ZFAT: variants seen among roughly 807,000 people sequenced by gnomAD.
ZFAT encodes zinc finger protein ZFAT.
Under a neutral mutation model 117.7 loss-of-function variants are expected in ZFAT, and 64 were observed. That is an observed-to-expected ratio of 0.54 (90% confidence interval 0.44 to 0.67). The LOEUF is 0.67. Among genes scored for constraint, ZFAT ranks in the 30% least tolerant of loss-of-function variants. ZFAT has a pLI of 0.00. For missense variants in ZFAT, 1,433 were observed against 1,584.5 expected (o/e 0.90, Z 1.62); for synonymous variants, 679 against 615.0 (o/e 1.10, Z -1.54).
At chr8:134,651,799 C>T (rs894360093) in intron 2 of ZFAT, among the ~76,000 whole-genome samples, 22 of 152,082 alleles carry the variant, frequency 1.4e-4, no homozygotes, top group Non-Finnish European at 4.4e-5. Flanking sequence ...GACCAACTAA[C>T]ATCGATGTAA....
chr8:134,582,117 G>A (rs780483477), intron 10 of ZFAT, among the ~76,000 whole-genome samples: 2 of 152,218 alleles, frequency 1.3e-5, no homozygotes, highest in Non-Finnish European at 2.9e-5. Flanking sequence ...TCCCTTTCCT[G>A]CCGAAGAACT....
At chr8:134,770,966 ATG>A in the ZFAT span, among the ~76,000 whole-genome samples, 116,159 of 151,874 alleles carry the variant, frequency 0.76, 44,943 homozygotes, top group African/African-American at 0.89. Flanking sequence ...TCCTGATAAG[ATG>A]TGTTATCAAT....
the ZFAT span, among the ~76,000 whole-genome samples, chr8:134,730,135 G>A: frequency 3.2e-3 from 487 of 152,260 alleles, 3 homozygotes; most frequent in African/African-American, 0.011. Context: ...AGTCTGGCCC[G>A]GGAATTTCTT....
intron 12 of ZFAT, among the ~76,000 whole-genome samples, chr8:134,527,563 C>A (rs912893406): frequency 3.3e-5 from 5 of 152,194 alleles, no homozygotes; most frequent in African/African-American, 1.2e-4. Context: ...CCAGCCAGGG[C>A]CCCAGTTCAG....
chr8:134,588,418 A>G (rs1258694781), intron 8 of ZFAT, 23 bp from the exon 9 acceptor site: 1 of 1,557,050 alleles, frequency 6.4e-7, no homozygotes, highest in Non-Finnish European at 8.7e-7. Context: ...CAGGATGTCA[A>G]AAGGAGTCAG....
the ZFAT span, among the ~76,000 whole-genome samples, chr8:134,774,438 T>C: frequency 6.6e-6 from 1 of 152,164 alleles, no homozygotes; most frequent in Non-Finnish European, 1.5e-5. Context: ...ACAGCAACCA[T>C]AACATTCAGC....
chr8:134,812,456 C>T, the ZFAT span, among the ~76,000 whole-genome samples: 6 of 152,170 alleles, frequency 3.9e-5, no homozygotes, highest in South Asian at 2.1e-4. Flanking sequence ...TACAGCCAGG[C>T]GCAGTGGCTC....
intron 15 of ZFAT, among the ~76,000 whole-genome samples, chr8:134,502,873 C>G (rs1819098760): frequency 6.6e-6 from 1 of 152,208 alleles, no homozygotes; most frequent in Admixed American, 6.5e-5. Flanking sequence ...ATTGCTCCTT[C>G]CCACTGAGGC....
intron 1 of ZFAT, among the ~76,000 whole-genome samples, chr8:134,669,130 T>C (rs1284608965): frequency 6.6e-6 from 1 of 152,240 alleles, no homozygotes; most frequent in Non-Finnish European, 1.5e-5. Flanking sequence ...GTCTGATCGC[T>C]GTACCTGAAA....
chr8:134,624,892 T>A (rs1829393373), intron 3 of ZFAT, among the ~76,000 whole-genome samples: 1 of 150,754 alleles, frequency 6.6e-6, no homozygotes, highest in Non-Finnish European at 1.5e-5. Flanking sequence ...GCACTAATAT[T>A]CTAAAGTACC....
At chr8:134,574,938 T>C (rs1563867001) in intron 10 of ZFAT, among the ~76,000 whole-genome samples, 2 of 152,196 alleles carry the variant, frequency 1.3e-5, no homozygotes, top group Admixed American at 1.3e-4. Context: ...ACAGTGATAC[T>C]CTTTAAATAT....
chr8:134,828,010 G>A, the ZFAT span, among the ~76,000 whole-genome samples: 198 of 152,224 alleles, frequency 1.3e-3, 1 homozygote, highest in Non-Finnish European at 2.0e-3. Context: ...TTTGTAAACT[G>A]CAGTAGTATA....
intron 3 of ZFAT, among the ~76,000 whole-genome samples, chr8:134,620,334 C>T (rs1829028216): frequency 6.6e-6 from 1 of 152,210 alleles, no homozygotes; most frequent in East Asian, 1.9e-4. Flanking sequence ...AGGCCATTTG[C>T]TCCTAATCAC....
chr8:134,529,359 G>A (rs1821245117), intron 12 of ZFAT, among the ~76,000 whole-genome samples: 1 of 152,312 alleles, frequency 6.6e-6, no homozygotes, highest in South Asian at 2.1e-4. Flanking sequence ...GCTTAATCAG[G>A]TGTATTTTAA....
At chr8:134,540,919 G>C (rs1222524398) in intron 11 of ZFAT, among the ~76,000 whole-genome samples, 1 of 152,110 alleles carries the variant, frequency 6.6e-6, no homozygotes, top group African/African-American at 2.4e-5. Context: ...TGTAGTTTGG[G>C]GTCATTTTTT....
chr8:134,649,365 G>A (rs1249622565), intron 2 of ZFAT, among the ~76,000 whole-genome samples: 1 of 152,112 alleles, frequency 6.6e-6, no homozygotes, highest in Non-Finnish European at 1.5e-5. Context: ...AAAGGAAAAA[G>A]TAAAATTATC....
chr8:134,596,085 G>A (rs1178989798), intron 7 of ZFAT, among the ~76,000 whole-genome samples: 1 of 152,142 alleles, frequency 6.6e-6, no homozygotes, highest in Admixed American at 6.5e-5. Context: ...GCAAGGTCTC[G>A]CCCCAGGTCC....
At chr8:134,606,563 A>C (rs997843332) in intron 5 of ZFAT, among the ~76,000 whole-genome samples, 5 of 152,042 alleles carry the variant, frequency 3.3e-5, no homozygotes, top group African/African-American at 9.7e-5. Flanking sequence ...GAAAATCCAA[A>C]AAAAAAGCTG....
At chr8:134,493,263 A>G (rs974138808) in intron 15 of ZFAT, among the ~76,000 whole-genome samples, 1 of 152,036 alleles carries the variant, frequency 6.6e-6, no homozygotes, top group African/African-American at 2.4e-5. Context: ...GGCACTGGAG[A>G]GCTCTGCTGC....
Sources: allele counts gnomAD v4.1 joint callset (sites outside exome capture counted in the v4.1 genomes callset), GRCh38; gene constraint gnomAD v4.1.1; transcripts MANE v1.5; gene names NCBI Gene and HGNC (gene_info 2026-07-23, HGNC 2026-07-21).